DLG4: variants seen among roughly 807,000 people sequenced by gnomAD.
The protein encoded by DLG4 is disks large homolog 4.
Under a neutral mutation model 93.8 loss-of-function variants are expected in DLG4, and 7 were observed. That is an observed-to-expected ratio of 0.07 (90% CI 0.04 to 0.14). The LOEUF (loss-of-function observed/expected upper bound fraction) is 0.14, where lower values mean the gene tolerates loss of function less well. DLG4 is among the 10% of genes least tolerant of loss of function. The pLI is 1.00. For synonymous variants in DLG4, 341 were observed against 387.6 expected (o/e 0.88, Z 1.41); for missense variants, 545 against 992.9 (o/e 0.55, Z 6.06).
At position 7,188,800 on chromosome 17, in the gene DLG4, C is replaced by G. The variant is rs77467215; in HGVS notation, c.*1908G>C. On this transcript the variant is annotated 3_prime_UTR_variant, in exon 20 of 20. Transcript: ENST00000399506. ...ACCCTCATTATTTACAAAGCTGCCT[C>G]AGATCTTTCCCATAGAGATAGGACA... is the stretch of plus-strand genomic sequence containing the variant. Among the ~76,000 whole-genome samples, 75 of 152,224 alleles carry G rather than the reference C, an allele frequency of 4.9e-4. No individual in the cohort carries two copies. The East Asian group carries it at 7.3e-3, about 15-fold the overall frequency.
intron 8 of DLG4, among the ~76,000 whole-genome samples, chr17:7,199,932 A>G (rs1285414850): frequency 4.6e-5 from 7 of 150,826 alleles, no homozygotes; most frequent in Admixed American, 3.3e-4. Context: ...GTGAGCCAAG[A>G]TCGTGCCACT....
At chr17:7,218,697 C>T, upstream of DLG4, 1 of 1,530,546 alleles carries the variant, frequency 6.5e-7, no homozygotes, top group Non-Finnish European at 8.9e-7. Flanking sequence ...AAGATGAACA[C>T]ACTGTCACTT....
chr17:7,218,520 C>A (rs370045627), upstream of DLG4: 10 of 1,552,960 alleles, frequency 6.4e-6, no homozygotes, highest in Non-Finnish European at 8.7e-6. Flanking sequence ...GCCCAGGTCC[C>A]TCAGAAAACG....
At chr17:7,201,761 A>G (rs962448978) in intron 8 of DLG4, among the ~76,000 whole-genome samples, 1 of 152,070 alleles carries the variant, frequency 6.6e-6, no homozygotes, top group Non-Finnish European at 1.5e-5. Context: ...GGCACCTGTA[A>G]TCCCAGCTAC....
Position 7,196,431 on chromosome 17 carries a change from G to A in DLG4, c.1186+42C>T. ...CCATCAGCTGAGGAAGAGTTCTAAGGGCCATTTCAGCTCACAAGACAAGGA... is the reference window on the plus strand; with the variant it reads ...CCATCAGCTGAGGAAGAGTTCTAAGAGCCATTTCAGCTCACAAGACAAGGA... On this transcript the variant is annotated intron_variant, in intron 10 of 19. Coordinates refer to ENST00000399506, the MANE Select transcript of DLG4 (RefSeq NM_001321075.3). The surrounding 1 kb of genome is among the most constrained non-coding windows in gnomAD (Gnocchi z 8.3). 6.2e-7 allele frequency: 1 copy of A among 1,609,914 alleles called. No individual in the cohort carries two copies. Among genetic ancestry groups the A allele is most frequent in the East Asian group, 2.2e-5 (1 of 44,854 alleles).
In DLG4 at chr17:7,196,003, T is replaced by C. The variant is rs1365135123; in HGVS notation, c.1301+217A>G. ...GGGATGACCAGGGGCTAGAAGGCAATTGGGATACTTGGGGCAGAGGCTATT... is the reference window on the plus strand; with the variant it reads ...GGGATGACCAGGGGCTAGAAGGCAACTGGGATACTTGGGGCAGAGGCTATT... On this transcript the variant is annotated intron_variant, in intron 11 of 19. Transcript: ENST00000399506. This position sits in a 1 kb window ranked among gnomAD's most constrained non-coding sequence, Gnocchi z 8.3. Among the ~76,000 whole-genome samples, 9 of 152,142 alleles carry C rather than the reference T, an allele frequency of 5.9e-5. No individual in the cohort carries two copies. Among genetic ancestry groups the C allele is most frequent in the Non-Finnish European group, 1.3e-4 (9 of 68,018 alleles).
At chr17:7,192,886 G>T in intron 17 of DLG4, 59 bp downstream of exon 17, 2 of 1,509,528 alleles carry the variant, frequency 1.3e-6, no homozygotes, top group Non-Finnish European at 1.8e-6. Context: ...AAGCTGGAGG[G>T]AGGCAGTGGG....
chr17:7,196,171 G>A lies in DLG4; in HGVS notation c.1301+49C>T. 1 of 1,445,694 alleles carries A rather than the reference G, an allele frequency of 6.9e-7. No individual in the cohort carries two copies. The highest frequency in any genetic ancestry group is 1.2e-5 in the South Asian group (1 of 86,396). 89.6% of individuals were successfully genotyped at this position (1,445,694 alleles called of 1,614,324 possible). A position where few individuals can be genotyped will look rare whatever the true frequency, so the allele number is the denominator to read the frequency against. On this transcript the variant is annotated intron_variant, in intron 11 of 19. Coordinates refer to ENST00000399506, the MANE Select transcript of DLG4 (RefSeq NM_001321075.3). This position sits in a 1 kb window ranked among gnomAD's most constrained non-coding sequence, Gnocchi z 8.3. ...CTGAGGCCCGGGCCAGGCACAGAGT[G>A]CCCAGGAACGCAGAGGGGCTGAGGA...
chr17:7,205,019 G>C, intron 2 of DLG4: 1 of 985,346 alleles, frequency 1.0e-6, no homozygotes, highest in Non-Finnish European at 1.2e-6. Flanking sequence ...CCTGAGCGCA[G>C]AAGGGATCCG....
Position 7,194,732 on chromosome 17 carries a change from T to C in DLG4, c.1302-237A>G, listed in dbSNP as rs980405871. 3.3e-5 allele frequency among the ~76,000 whole-genome samples: 5 copies of C among 152,128 alleles called. No homozygotes were observed. Among genetic ancestry groups the C allele is most frequent in the Non-Finnish European group, 5.9e-5 (4 of 68,016 alleles). On this transcript the variant is annotated intron_variant, in intron 11 of 19. Transcript: ENST00000399506. The surrounding 1 kb of genome is among the most constrained non-coding windows in gnomAD (Gnocchi z 4.4). ...GAGGCAGGGCTTGAACTTGACCCTCTCAAGAAAGCAGTTTGGGCCAGGCGT... is the reference window on the plus strand; with the variant it reads ...GAGGCAGGGCTTGAACTTGACCCTCCCAAGAAAGCAGTTTGGGCCAGGCGT...
intron 1 of DLG4, among the ~76,000 whole-genome samples, chr17:7,213,095 C>CTTT (rs746009346): frequency 7.4e-5 from 6 of 80,764 alleles, no homozygotes; most frequent in Non-Finnish European, 1.7e-4. Context: ...TTCTTTCTTT[C>CTTT]TTTTTTTTTT....
chr17:7,196,555 T>C lies in DLG4; in HGVS notation c.1104A>G (p.Arg368=). 1 of 1,613,956 alleles carries C rather than the reference T, an allele frequency of 6.2e-7. No individual in the cohort carries two copies. Among genetic ancestry groups the C allele is most frequent in the Non-Finnish European group, 8.5e-7 (1 of 1,179,874 alleles). Residue 368 remains arginine, a synonymous_variant, in exon 10 of 20, where the codon CGA becomes CGG. Coordinates refer to ENST00000399506, the MANE Select transcript of DLG4 (RefSeq NM_001321075.3). The surrounding 1 kb of genome is among the most constrained non-coding windows in gnomAD (Gnocchi z 8.3). ...QILSVNGVDL[R]NASHEQAAIA... ...TGGCAGCCTGCTCATGGCTGGCATT[T>C]CGGAGGTCCACACCGTTGACCTAGA...
rs1313360801 is a variant in DLG4, at chr17:7,208,709, T to A, written c.31-470A>T. Among the ~76,000 whole-genome samples the A allele has an allele frequency of 6.6e-6, 1 of 151,090 alleles. No individual in the cohort carries two copies. Among genetic ancestry groups the A allele is most frequent in the African/African-American group, 2.4e-5 (1 of 40,962 alleles). On this transcript the variant is annotated intron_variant, in intron 1 of 19. Coordinates refer to ENST00000399506, the MANE Select transcript of DLG4 (RefSeq NM_001321075.3). The surrounding 1 kb of genome is among the most constrained non-coding windows in gnomAD (Gnocchi z 5.4). ...GTTCTAGCCTCCCCTCCCCTACCCC[T>A]CTGGCTGCTCCTACTCTGCATGGCA... is the stretch of plus-strand genomic sequence containing the variant.
At position 7,203,286 on chromosome 17, in the gene DLG4, G is replaced by C. The variant is rs1567540969; in HGVS notation, c.549C>G (p.Ile183Met). 6.2e-7 allele frequency: 1 copy of C among 1,609,076 alleles called. No individual in the cohort carries two copies. ...SIAGGVGNQH[I>M]PGDNSIYVTK... is the part of the protein sequence containing the mutation. Reference sequence around the variant, plus strand: ...TTACATAGATGCTATTATCTCCTGGGATGTGCTGGTTCCCTACGCCCCCTG... The same window carrying C: ...TTACATAGATGCTATTATCTCCTGGCATGTGCTGGTTCCCTACGCCCCCTG... Residue 183 changes from isoleucine to methionine, a missense_variant, in exon 7 of 20, where the codon ATC (isoleucine) becomes ATG (methionine). By Grantham distance (10) the Ile-to-Met change is conservative (BLOSUM62 1). Transcript: ENST00000399506. The surrounding 1 kb of genome is among the most constrained non-coding windows in gnomAD (Gnocchi z 7.2).
At chr17:7,204,979 G>A in intron 2 of DLG4, 1 of 985,702 alleles carries the variant, frequency 1.0e-6, no homozygotes, top group Non-Finnish European at 1.2e-6. Flanking sequence ...ACAACAGGGG[G>A]GTGGGGCGTG....
chr17:7,219,199 G>A (rs2071072386), upstream of DLG4: 6 of 352,626 alleles, frequency 1.7e-5, no homozygotes, highest in South Asian at 2.3e-4. Context: ...AATTGTTTGG[G>A]ACTTCCTGCC....
rs1161910829 is a variant in DLG4 at position 7,204,218 on chromosome 17, G to A, written c.131C>T (p.Thr44Ile). 2 of 1,603,558 alleles carry A rather than the reference G, an allele frequency of 1.2e-6. No homozygotes were observed. Among genetic ancestry groups the A allele is most frequent in the Non-Finnish European group, 1.7e-6 (2 of 1,173,370 alleles). ...NSPPVIVNTDTLEAPGYELQV... is the reference protein window; with the variant it reads ...NSPPVIVNTDILEAPGYELQV... ...ACTCACATATCCTGGGGCTTCTAGGGTATCTGTGTTGACAATCACTGGGGG... is the reference window on the plus strand; with the variant it reads ...ACTCACATATCCTGGGGCTTCTAGGATATCTGTGTTGACAATCACTGGGGG... The change falls in exon 3 of 20, where the codon ACC (threonine) becomes ATC (isoleucine). Residue 44 changes from threonine (T) to isoleucine (I), a missense_variant. By Grantham distance (89) the Thr-to-Ile change is moderately conservative. Around this residue, in one of 5 missense-constraint regions of DLG4, gnomAD observed 49 missense variants for 80.4 expected, o/e 0.61. Transcript: ENST00000399506.
Position 7,191,193 on chromosome 17 carries a change from G to T in DLG4, c.2068+74C>A. 7.0e-7 allele frequency: 1 copy of T among 1,435,866 alleles called. No homozygotes were observed. The highest frequency in any genetic ancestry group is 9.8e-7 in the Non-Finnish European group (1 of 1,024,636). The allele number at this position is 1,435,866 out of a possible 1,614,324, so 88.9% of individuals were successfully genotyped here. A position where few individuals can be genotyped will look rare whatever the true frequency, so the allele number is the denominator to read the frequency against. ...CACCTCTTTCTAAGCCATCCACTGGGGGTGGCGGGGGAGCTCTTTCTAATC... is the reference window on the plus strand; with the variant it reads ...CACCTCTTTCTAAGCCATCCACTGGTGGTGGCGGGGGAGCTCTTTCTAATC... On this transcript the variant is annotated intron_variant, in intron 19 of 19. Transcript: ENST00000399506. This position sits in a 1 kb window ranked among gnomAD's most constrained non-coding sequence, Gnocchi z 6.6.
intron 1 of DLG4, among the ~76,000 whole-genome samples, chr17:7,211,049 G>T (rs1484385140): frequency 6.9e-6 from 1 of 145,244 alleles, no homozygotes; most frequent in Non-Finnish European, 1.5e-5. Context: ...AATGTGGCTG[G>T]AAGAGGTTAG....
Sources: gnomAD v4.1 joint callset for allele counts (sites outside exome capture counted in the v4.1 genomes callset) on GRCh38, gnomAD v4.1.1 for gene constraint, gnomAD v4.1.1 regional missense constraint, Gnocchi (gnomAD v3.1) non-coding constraint, MANE v1.5 for transcripts, NCBI Gene and HGNC (gene_info 2026-07-23, HGNC 2026-07-21) for gene names.